Variants in GARNL3 observed in about 807,000 individuals in gnomAD.
GARNL3 encodes the protein GTPase activating Rap/RanGAP domain like 3, also known as GTPase-activating Rap/Ran-GAP domain-like protein 3.
In GARNL3, 63 loss-of-function variants were observed where a neutral mutation model predicts 125.0. That is an observed-to-expected ratio of 0.50 (90% CI 0.41 to 0.62). The LOEUF (loss-of-function observed/expected upper bound fraction) is 0.62, where lower values mean the gene tolerates loss of function less well. GARNL3 is among the 20% of genes least tolerant of loss of function. The probability of loss-of-function intolerance (pLI) is 0.00; values close to 1 mark genes in which losing one functional copy is unlikely to be tolerated. For synonymous variants in GARNL3, 439 were observed against 457.5 expected, an observed-to-expected ratio of 0.96 and a Z score of 0.52; for missense variants, 994 against 1,244.0, an observed-to-expected ratio of 0.80 and a Z score of 3.02.
chr9:127,264,091 T>G, upstream of GARNL3: 1 of 823,856 alleles, frequency 1.2e-6, no homozygotes, highest in Non-Finnish European at 1.9e-6. Context: ...TTCTATGTTA[T>G]CGTAGAGTTA....
chr9:127,315,875 G>A (rs923628908), intron 4 of GARNL3, among the ~76,000 whole-genome samples: 3 of 152,260 alleles, frequency 2.0e-5, no homozygotes, highest in East Asian at 1.9e-4. Flanking sequence ...CTAGACATCC[G>A]TCCCTGTAGA....
intron 9 of GARNL3, among the ~76,000 whole-genome samples, chr9:127,334,050 A>G (rs1829413861): frequency 6.6e-6 from 1 of 152,110 alleles, no homozygotes; most frequent in African/African-American, 2.4e-5. Flanking sequence ...TCATGGTAGA[A>G]TTGGCAAGTG....
chr9:127,300,104 C>T (rs2064739511), intron 2 of GARNL3: 1 of 321,810 alleles, frequency 3.1e-6, no homozygotes, highest in Non-Finnish European at 6.2e-6. Context: ...TTCTTTACTT[C>T]TCCAAGATCT....
At chr9:127,240,442 C>T (rs2063183718) in intron 1 of GARNL3, among the ~76,000 whole-genome samples, 1 of 152,162 alleles carries the variant, frequency 6.6e-6, no homozygotes, top group South Asian at 2.1e-4. Flanking sequence ...TCCTCACTCC[C>T]ACCCTGTGGC....
intron 2 of GARNL3, among the ~76,000 whole-genome samples, chr9:127,295,941 G>A (rs550165954): frequency 6.6e-6 from 1 of 152,200 alleles, no homozygotes; most frequent in Admixed American, 6.5e-5. Context: ...CTCATCATAA[G>A]GTAGAATCAG....
At position 127,345,387 on chromosome 9, in the gene GARNL3, A is replaced by T; in HGVS notation, c.1357-16A>T. ...TGCCGCCTAGTAAACTTTAATAGAG[A>T]TCTCTGTTCTGTAAGGCACTAAAAC... On this transcript the variant is annotated splice_polypyrimidine_tract_variant and intron_variant, in intron 15 of 27. Coordinates refer to ENST00000373387, the MANE Select transcript of GARNL3 (RefSeq NM_032293.5). The T allele has an allele frequency of 6.5e-7, 1 of 1,549,638 alleles. No individual in the cohort carries two copies. The highest frequency in any genetic ancestry group is 8.8e-7 in the Non-Finnish European group (1 of 1,142,098).
intron 2 of GARNL3, among the ~76,000 whole-genome samples, chr9:127,308,247 A>G (rs1229094459): frequency 1.3e-5 from 2 of 152,330 alleles, no homozygotes; most frequent in East Asian, 1.9e-4. Flanking sequence ...CCTCACTTAC[A>G]TGGTATTCCA....
chr9:127,327,186 T>C (rs780830192), intron 7 of GARNL3, among the ~76,000 whole-genome samples: 2 of 152,248 alleles, frequency 1.3e-5, no homozygotes, highest in African/African-American at 4.8e-5. Flanking sequence ...CTACCGTGCA[T>C]GTACCATGTA....
At chr9:127,383,582 A>T (rs372401798) in intron 23 of GARNL3, 37 bp downstream of exon 23, 2 of 1,374,210 alleles carry the variant, frequency 1.5e-6, no homozygotes, top group African/African-American at 2.9e-5. Flanking sequence ...TTTCTCCTTC[A>T]TGGATATGTC....
At chr9:127,273,893 T>C (rs1032968205) in intron 1 of GARNL3, among the ~76,000 whole-genome samples, 1 of 152,188 alleles carries the variant, frequency 6.6e-6, no homozygotes, top group African/African-American at 2.4e-5. Flanking sequence ...CGAACTCCAT[T>C]TGTGGCTTAT....
rs570269482 is a variant in GARNL3, at chr9:127,309,955, A to G, written c.220-1681A>G. Among the ~76,000 whole-genome samples, 6 of 152,356 alleles carry G rather than the reference A, an allele frequency of 3.9e-5. No homozygotes were observed. The Middle Eastern group carries it at 0.01, about 259-fold the overall frequency. On this transcript the variant is annotated intron_variant, in intron 2 of 27. Transcript: ENST00000373387. Reference sequence around the variant, plus strand: ...ATCAACAAAGCTGCAATAGAGTGACATCAGTCATGCGGGAAAACTGACATC... The same window carrying G: ...ATCAACAAAGCTGCAATAGAGTGACGTCAGTCATGCGGGAAAACTGACATC...
At chr9:127,235,676 A>C (rs1188984816) in intron 1 of GARNL3, among the ~76,000 whole-genome samples, 2 of 152,176 alleles carry the variant, frequency 1.3e-5, no homozygotes, top group Non-Finnish European at 2.9e-5. Context: ...CAAAGAGGGA[A>C]TGATTTTCTG....
At chr9:127,348,137 A>G (rs1007043828) in intron 16 of GARNL3, among the ~76,000 whole-genome samples, 2 of 152,208 alleles carry the variant, frequency 1.3e-5, no homozygotes, top group African/African-American at 4.8e-5. Flanking sequence ...TAAGACTTCA[A>G]CTTGGGCCTG....
At chr9:127,301,297 C>A (rs2064778343) in intron 2 of GARNL3, among the ~76,000 whole-genome samples, 1 of 152,188 alleles carries the variant, frequency 6.6e-6, no homozygotes, top group Admixed American at 6.5e-5. Context: ...CATCCCCTTT[C>A]TTGCTGTAGA....
intron 27 of GARNL3, 135 bp downstream of exon 27, chr9:127,390,902 C>T (rs919666375): frequency 2.3e-6 from 2 of 867,166 alleles, no homozygotes; most frequent in Admixed American, 5.6e-5. Flanking sequence ...CAGCCTGTTC[C>T]TCTCTGAGGG....
chr9:127,366,123 G>GT (rs1035099955), intron 22 of GARNL3, among the ~76,000 whole-genome samples: 4 of 152,146 alleles, frequency 2.6e-5, no homozygotes, highest in Admixed American at 2.6e-4. Context: ...CATAAAACAT[G>GT]TTTTTCGGCC....
At chr9:127,342,466 T>A in intron 14 of GARNL3, 132 bp downstream of exon 14, 1 of 628,058 alleles carries the variant, frequency 1.6e-6, no homozygotes, top group Non-Finnish European at 2.8e-6. Context: ...AGGACTGTGC[T>A]GTGGCCACCA....
At chr9:127,244,013 C>T (rs1015491044) in intron 2 of GARNL3, among the ~76,000 whole-genome samples, 1 of 152,252 alleles carries the variant, frequency 6.6e-6, no homozygotes, top group South Asian at 2.1e-4. Context: ...TGCTTGTTTA[C>T]TGTACCCAGT....
At chr9:127,228,865 C>T (rs969597539) in intron 1 of GARNL3, among the ~76,000 whole-genome samples, 1 of 151,972 alleles carries the variant, frequency 6.6e-6, no homozygotes, top group African/African-American at 2.4e-5. Context: ...GCTCTGTCAC[C>T]CAGGCTGGAG....
Sources: allele counts gnomAD v4.1 joint callset (sites outside exome capture counted in the v4.1 genomes callset), GRCh38; gene constraint gnomAD v4.1.1; transcripts MANE v1.5; gene names NCBI Gene and HGNC (gene_info 2026-07-23, HGNC 2026-07-21).